The following COL9A1 variants were observed in gnomAD, a reference collection of about 807,000 sequenced individuals.
The protein encoded by COL9A1 is collagen alpha-1(IX) chain.
In COL9A1, 104 loss-of-function variants were observed where a neutral mutation model predicts 142.6. That is an observed-to-expected ratio of 0.73 (90% CI 0.62 to 0.86). The LOEUF is 0.86. Among genes scored for constraint, COL9A1 ranks in the 40% least tolerant of loss-of-function variants. The pLI is 0.00. For missense variants in COL9A1, 1,210 were observed against 1,176.6 expected (o/e 1.03, Z -0.42); for synonymous variants, 466 against 396.0 (o/e 1.18, Z -2.10).
At chr6:70,272,118 C>T in intron 12 of COL9A1, 30 bp from the exon 13 acceptor site, 1 of 1,595,940 alleles carries the variant, frequency 6.3e-7, no homozygotes, top group Non-Finnish European at 8.6e-7. Flanking sequence ...ATGGTTATAG[C>T]TTGAGGTTTA....
At chr6:70,250,914 A>G (rs756920580) in intron 28 of COL9A1, among the ~76,000 whole-genome samples, 1 of 152,242 alleles carries the variant, frequency 6.6e-6, no homozygotes, top group African/African-American at 2.4e-5. Flanking sequence ...ACAAACTCAC[A>G]CTAAGAAAAG....
chr6:70,230,923 C>T (rs1257542850), intron 36 of COL9A1, among the ~76,000 whole-genome samples: 2 of 152,176 alleles, frequency 1.3e-5, no homozygotes, highest in Non-Finnish European at 2.9e-5. Flanking sequence ...CTAGCTCAAA[C>T]AAAGTTAAGC....
At chr6:70,245,789 T>TA (rs113044653) in intron 28 of COL9A1, 7,729 of 152,230 alleles carry the variant, frequency 0.051, 261 homozygotes, top group Non-Finnish European at 0.076. Flanking sequence ...ACCCCGTCTC[T>TA]ACTAAACATA....
chr6:70,269,536 A>G, intron 16 of COL9A1, 97 bp downstream of exon 16: 2 of 876,118 alleles, frequency 2.3e-6, no homozygotes, highest in East Asian at 4.8e-5. Flanking sequence ...ACACAGACAC[A>G]TAGAATATTC....
downstream of COL9A1, chr6:70,215,406 A>G (rs1768441289): frequency 6.6e-6 from 1 of 152,218 alleles, no homozygotes; most frequent in South Asian, 2.1e-4. Context: ...AAAAAATTAT[A>G]TTAGGGCTCA....
At chr6:70,279,534 G>A (rs545211) in intron 10 of COL9A1, 11,092 of 152,334 alleles carry the variant, frequency 0.073, 916 homozygotes, top group African/African-American at 0.19. Context: ...CCAGCTACTC[G>A]GGAAGCTGGA....
intron 36 of COL9A1, among the ~76,000 whole-genome samples, chr6:70,231,936 C>T (rs1208974803): frequency 8.5e-5 from 13 of 152,110 alleles, no homozygotes; most frequent in Non-Finnish European, 1.6e-4. Context: ...CTGCTGAGTA[C>T]CTAACACACT....
At chr6:70,240,423 T>A (rs1367318362) in intron 32 of COL9A1, among the ~76,000 whole-genome samples, 2 of 152,078 alleles carry the variant, frequency 1.3e-5, no homozygotes, top group African/African-American at 4.8e-5. Flanking sequence ...AATTTTATTC[T>A]CCAAAAGTTT....
intron 29 of COL9A1, 122 bp from the exon 30 acceptor site, chr6:70,242,157 C>T: frequency 1.2e-6 from 1 of 844,304 alleles, no homozygotes; most frequent in Non-Finnish European, 2.0e-6. Flanking sequence ...GTTGGTTGAA[C>T]TCTGCTTCTT....
chr6:70,250,347 CTAGTCAT>C (rs1770865520), intron 28 of COL9A1, among the ~76,000 whole-genome samples: 1 of 152,196 alleles, frequency 6.6e-6, no homozygotes, highest in Non-Finnish European at 1.5e-5. Context: ...TCTTCCTGGG[CTAGTCAT>C]ATAGCATCTT....
In COL9A1 at chr6:70,256,777, A is replaced by C; in HGVS notation, c.1494T>G (p.Pro498=). 6.2e-7 allele frequency: 1 copy of C among 1,613,814 alleles called. No individual in the cohort carries two copies. The highest frequency in any genetic ancestry group is 8.5e-7 in the Non-Finnish European group (1 of 1,179,948). The part of the protein sequence containing the change: ...LDGEPGPQGL[P]GAPGDQGQRG... The stretch of plus-strand genomic sequence containing the variant: ...AAGGAAAATCACTTACAGGTGCACC[A>C]GGAAGACCCTGAGGCCCAGGTTCAC... Residue 498 remains proline (P), a synonymous_variant, in exon 21 of 38, where the codon CCT becomes CCG. Coordinates refer to ENST00000357250, the MANE Select transcript of COL9A1 (RefSeq NM_001851.6).
chr6:70,294,798 A>G (rs562825744), intron 4 of COL9A1, among the ~76,000 whole-genome samples: 8 of 152,318 alleles, frequency 5.3e-5, no homozygotes, highest in Non-Finnish European at 8.8e-5. Flanking sequence ...ACCCTCCCTC[A>G]TGGCTAAGGA....
intron 5 of COL9A1, among the ~76,000 whole-genome samples, chr6:70,293,631 T>TCACA (rs3222430): frequency 0.019 from 2,674 of 137,832 alleles, 30 homozygotes; most frequent in African/African-American, 0.037. Flanking sequence ...TCTCTCTCTT[T>TCACA]CACACACACA....
At chr6:70,263,834 G>A (rs1771849195) in intron 18 of COL9A1, among the ~76,000 whole-genome samples, 1 of 151,734 alleles carries the variant, frequency 6.6e-6, no homozygotes, top group Non-Finnish European at 1.5e-5. Flanking sequence ...TATACCTCCT[G>A]ATGTCACTCA....
chr6:70,286,783 T>G (rs1490933689), intron 5 of COL9A1, among the ~76,000 whole-genome samples: 1 of 152,184 alleles, frequency 6.6e-6, no homozygotes, highest in Non-Finnish European at 1.5e-5. Flanking sequence ...GTTCCAGACA[T>G]AGTGCTAGGG....
At chr6:70,251,514 C>A (rs1770942357) in intron 28 of COL9A1, among the ~76,000 whole-genome samples, 1 of 152,148 alleles carries the variant, frequency 6.6e-6, no homozygotes, top group African/African-American at 2.4e-5. Flanking sequence ...GCCACTGCAC[C>A]CCAACCTGGG....
intron 18 of COL9A1, among the ~76,000 whole-genome samples, chr6:70,265,139 T>C (rs530884770): frequency 2.0e-5 from 3 of 152,022 alleles, no homozygotes; most frequent in Non-Finnish European, 2.9e-5. Context: ...CCAAAAAAAA[T>C]TGTAGGTTTT....
chr6:70,228,997 G>C (rs1190072977), intron 36 of COL9A1, among the ~76,000 whole-genome samples: 1 of 152,090 alleles, frequency 6.6e-6, no homozygotes. Context: ...GAAGATATGA[G>C]ATGAAGATTA....
chr6:70,299,302 T>G (rs1482280271), intron 4 of COL9A1, among the ~76,000 whole-genome samples: 1 of 152,246 alleles, frequency 6.6e-6, no homozygotes, highest in East Asian at 1.9e-4. Flanking sequence ...ATTGAAGTCC[T>G]AATTGTCTCA....
Sources: gnomAD v4.1 joint callset for allele counts (sites outside exome capture counted in the v4.1 genomes callset) on GRCh38, gnomAD v4.1.1 for gene constraint, MANE v1.5 for transcripts, NCBI Gene and HGNC (gene_info 2026-07-23, HGNC 2026-07-21) for gene names.